Variants in IMMP1L observed in about 807,000 individuals in gnomAD.
IMMP1L encodes the protein mitochondrial inner membrane protease subunit 1.
IMMP1L carries 24 observed loss-of-function variants against 21.8 expected under a neutral mutation model. That is an observed-to-expected ratio of 1.10 (90% CI 0.80 to 1.55). The LOEUF (loss-of-function observed/expected upper bound fraction) is 1.55, where lower values mean the gene tolerates loss of function less well. IMMP1L is among the 40% of genes most tolerant of loss of function. IMMP1L has a pLI of 0.00. For synonymous variants in IMMP1L, 46 were observed against 62.8 expected (o/e 0.73, Z 1.26); for missense variants, 195 against 200.7 (o/e 0.97, Z 0.17).
chr11:31,447,886 T>C (rs1953588067), intron 4 of IMMP1L, among the ~76,000 whole-genome samples: 1 of 152,210 alleles, frequency 6.6e-6, no homozygotes. Flanking sequence ...ATTAAGTTGT[T>C]CACAAAAACC....
intron 1 of IMMP1L, among the ~76,000 whole-genome samples, chr11:31,476,694 C>T (rs887788622): frequency 6.6e-6 from 1 of 151,986 alleles, no homozygotes; most frequent in African/African-American, 2.4e-5. Flanking sequence ...AAATTAAGTA[C>T]TCTAAGATCA....
In IMMP1L at chr11:31,448,888, T is replaced by C. The variant is rs1251681728; in HGVS notation, c.321+7372A>G. On this transcript the variant is annotated intron_variant, in intron 4 of 5. Transcript: ENST00000532287. Reference sequence around the variant, plus strand: ...AAAAACACTTCAGACTTGTAAACAATGAGTGAAATTTATCTTCAGAATTGT... The same window carrying C: ...AAAAACACTTCAGACTTGTAAACAACGAGTGAAATTTATCTTCAGAATTGT... The C allele has an allele frequency of 7.3e-6, 7 of 956,712 alleles. 1 individual carries two copies. Among genetic ancestry groups the C allele is most frequent in the South Asian group, 9.6e-5 (2 of 20,766 alleles). The allele number at this position is 956,712 out of a possible 1,614,324, so 59.3% of individuals were successfully genotyped here.
At chr11:31,435,887 C>A (rs181953322) in intron 4 of IMMP1L, among the ~76,000 whole-genome samples, 19 of 152,194 alleles carry the variant, frequency 1.2e-4, no homozygotes, top group Admixed American at 5.2e-4. Flanking sequence ...CTGTTTTATT[C>A]TTTGGGAGTA....
At chr11:31,482,776 A>G (rs1048106923) in intron 1 of IMMP1L, among the ~76,000 whole-genome samples, 5 of 152,036 alleles carry the variant, frequency 3.3e-5, no homozygotes, top group African/African-American at 1.2e-4. Flanking sequence ...ACATTTTAGA[A>G]AACTGTTTGC....
At chr11:31,491,680 T>C (rs1348745167) in intron 1 of IMMP1L, among the ~76,000 whole-genome samples, 1 of 152,322 alleles carries the variant, frequency 6.6e-6, no homozygotes, top group Non-Finnish European at 1.5e-5. Context: ...TTGTAAAAGA[T>C]GCTAAAACAT....
rs533847662 is a variant in IMMP1L, at chr11:31,449,108, G to A, written c.321+7152C>T. Reference sequence around the variant, plus strand: ...CACTATAGTCTGCAAAAAACAAGTCGCTTGTTTAGATACTCTAGTTGTAAT... The same window carrying A: ...CACTATAGTCTGCAAAAAACAAGTCACTTGTTTAGATACTCTAGTTGTAAT... On this transcript the variant is annotated intron_variant, in intron 4 of 5. Coordinates refer to ENST00000532287, the MANE Select transcript of IMMP1L (RefSeq NM_001304274.2). 25 of 983,746 alleles carry A rather than the reference G, an allele frequency of 2.5e-5. No individual in the cohort carries two copies. The East Asian group carries it at 6.8e-4, about 27-fold the overall frequency. 60.9% of individuals were successfully genotyped at this position (983,746 alleles called of 1,614,324 possible). A position where few individuals can be genotyped will look rare whatever the true frequency, so the allele number is the denominator to read the frequency against.
chr11:31,453,023 A>T, intron 4 of IMMP1L: 1 of 1,257,390 alleles, frequency 8.0e-7, no homozygotes. Context: ...AAGTGCTGGG[A>T]TTACAGGCGT....
intron 3 of IMMP1L, among the ~76,000 whole-genome samples, chr11:31,460,086 G>T (rs898196276): frequency 1.3e-5 from 2 of 152,068 alleles, no homozygotes; most frequent in Admixed American, 6.5e-5. Context: ...GAGCCCAGGA[G>T]GTTGAGGCTG....
intron 1 of IMMP1L, chr11:31,477,489 T>C: frequency 1.1e-6 from 1 of 947,648 alleles, no homozygotes; most frequent in Non-Finnish European, 1.3e-6. Flanking sequence ...GCATATTCTT[T>C]GCCTTGATGA....
At chr11:31,452,751 TTTTC>T in intron 4 of IMMP1L, 3 of 1,011,940 alleles carry the variant, frequency 3.0e-6, no homozygotes, top group Non-Finnish European at 2.4e-6. Flanking sequence ...GCATCTTTTT[TTTTC>T]TTTTCTTTTC....
intron 4 of IMMP1L, among the ~76,000 whole-genome samples, chr11:31,449,562 C>T (rs903746356): frequency 2.6e-5 from 4 of 152,166 alleles, no homozygotes; most frequent in Non-Finnish European, 5.9e-5. Context: ...ACCACCAGTA[C>T]ATCCTGATAA....
chr11:31,447,636 A>T (rs1014567772), intron 4 of IMMP1L, among the ~76,000 whole-genome samples: 2 of 152,234 alleles, frequency 1.3e-5, no homozygotes, highest in Non-Finnish European at 2.9e-5. Flanking sequence ...TAGCTGTGCC[A>T]TGCTAAGTGA....
At position 31,477,566 on chromosome 11, in the gene IMMP1L, T is replaced by C. The variant is rs1954767651; in HGVS notation, c.-29-14261A>G. The C allele has an allele frequency of 9.1e-6, 9 of 984,634 alleles. No homozygotes were observed. The South Asian group carries it at 1.4e-4, about 15-fold the overall frequency. The allele number at this position is 984,634 out of a possible 1,614,324, so 61.0% of individuals were successfully genotyped here. A position where few individuals can be genotyped will look rare whatever the true frequency, so the allele number is the denominator to read the frequency against. ...TAGCAGGGCAGAAATAGCTTTGAGC[T>C]TCATGAATGACATCCAAGAGATGGG... On this transcript the variant is annotated intron_variant, in intron 1 of 5. Coordinates refer to ENST00000532287, the MANE Select transcript of IMMP1L (RefSeq NM_001304274.2).
rs142059251 is a variant in IMMP1L, at chr11:31,442,472, C to A, written c.322-8902G>T. On this transcript the variant is annotated intron_variant, in intron 4 of 5. Coordinates refer to ENST00000532287, the MANE Select transcript of IMMP1L (RefSeq NM_001304274.2). ...TTCATTTATTTGATTAGGCAAATAA[C>A]ATCTAATTAAGAAAAGTTCTGGCTA... Among the ~76,000 whole-genome samples the A allele has an allele frequency of 2.9e-3, 448 of 152,282 alleles. 1 individual carries two copies. Among genetic ancestry groups the A allele is most frequent in the Non-Finnish European group, 3.9e-3 (266 of 68,010 alleles).
rs1416129165 is a variant in IMMP1L at position 31,452,436 on chromosome 11, T to C, written c.321+3824A>G. 5.1e-6 allele frequency: 5 copies of C among 985,342 alleles called. No individual in the cohort carries two copies. In the African/African-American group the frequency reaches 8.7e-5, roughly 17 times the overall value. The allele number at this position is 985,342 out of a possible 1,614,324, so 61.0% of individuals were successfully genotyped here. A position where few individuals can be genotyped will look rare whatever the true frequency, so the allele number is the denominator to read the frequency against. On this transcript the variant is annotated intron_variant, in intron 4 of 5. Coordinates refer to ENST00000532287, the MANE Select transcript of IMMP1L (RefSeq NM_001304274.2). ...ATTAAATAGAGGTTTACTTTGCATTTTGCCTGCTGTGCAAACCAATAGGAG... is the reference window on the plus strand; with the variant it reads ...ATTAAATAGAGGTTTACTTTGCATTCTGCCTGCTGTGCAAACCAATAGGAG...
intron 1 of IMMP1L, among the ~76,000 whole-genome samples, chr11:31,483,433 GTTACCGTATCTA>G (rs749739131): frequency 1.9e-4 from 29 of 152,004 alleles, no homozygotes; most frequent in Non-Finnish European, 1.5e-5. Context: ...ACTGAGGGTT[GTTACCGTATCTA>G]TTTGAATAAC....
intron 1 of IMMP1L, among the ~76,000 whole-genome samples, chr11:31,478,216 G>A (rs1468891900): frequency 6.6e-6 from 1 of 152,184 alleles, no homozygotes; most frequent in African/African-American, 2.4e-5. Flanking sequence ...TCTGCAATAT[G>A]CAGTGCAGAC....
chr11:31,447,221 C>G (rs898902710), intron 4 of IMMP1L, among the ~76,000 whole-genome samples: 1 of 152,190 alleles, frequency 6.6e-6, no homozygotes, highest in Admixed American at 6.5e-5. Context: ...CTATAGCCTC[C>G]TGAAAGCTAT....
intron 3 of IMMP1L, among the ~76,000 whole-genome samples, chr11:31,458,207 A>G (rs1363857752): frequency 6.6e-6 from 1 of 152,166 alleles, no homozygotes; most frequent in Non-Finnish European, 1.5e-5. Flanking sequence ...GTCTAACTAG[A>G]TATATGCATA....
Sources: allele counts gnomAD v4.1 joint callset (sites outside exome capture counted in the v4.1 genomes callset), GRCh38; gene constraint gnomAD v4.1.1; transcripts MANE v1.5; gene names NCBI Gene and HGNC (gene_info 2026-07-23, HGNC 2026-07-21).